PLEKHM1: variants seen among roughly 807,000 people sequenced by gnomAD.
PLEKHM1 encodes pleckstrin homology and RUN domain containing M1, also known as pleckstrin homology domain-containing family M member 1.
A neutral mutation model predicts 94.3 loss-of-function variants in PLEKHM1; 28 were observed. That is an observed-to-expected ratio of 0.30 (90% CI 0.22 to 0.41). The LOEUF (loss-of-function observed/expected upper bound fraction) is 0.41. PLEKHM1 is among the 10% of genes least tolerant of loss of function. The pLI is 1.00. For synonymous variants in PLEKHM1, 424 were observed against 581.2 expected (o/e 0.73, Z 3.89); for missense variants, 907 against 1,358.6 (o/e 0.67, Z 5.22).
At chr17:45,435,763 G>A (rs1388565008), downstream of PLEKHM1, 1 of 360,490 alleles carries the variant, frequency 2.8e-6, no homozygotes, top group Non-Finnish European at 5.4e-6. Flanking sequence ...CTGCCTACAA[G>A]TGTTTGCCAC....
At chr17:45,489,150 G>A (rs1379459971) in intron 1 of PLEKHM1, among the ~76,000 whole-genome samples, 2 of 152,122 alleles carry the variant, frequency 1.3e-5, no homozygotes, top group Non-Finnish European at 2.9e-5. Context: ...ATGGCCAAAA[G>A]TCAATGATCC....
chr17:45,447,629 C>T (rs891320307), intron 8 of PLEKHM1, among the ~76,000 whole-genome samples: 5 of 151,970 alleles, frequency 3.3e-5, no homozygotes, highest in African/African-American at 1.2e-4. Flanking sequence ...CAGGCCTCAG[C>T]ACCAGTGGGT....
rs1331996739 is a variant in PLEKHM1 at position 45,468,356 on chromosome 17, C to T, written c.1161G>A (p.Gln387=). The change falls in exon 5 of 12, where the codon CAG becomes CAA. Residue 387 remains glutamine (Q), a synonymous_variant. Transcript: ENST00000430334. ...RPQAPSPLDL[Q]QPVESTSGQQ... Reference sequence around the variant, plus strand: ...GGCCTGAGGTGCTCTCTACAGGCTGCTGTAAGTCCAGGGGGCTGGGCGCCT... The same window carrying T: ...GGCCTGAGGTGCTCTCTACAGGCTGTTGTAAGTCCAGGGGGCTGGGCGCCT... 1 of 1,613,960 alleles carries T rather than the reference C, an allele frequency of 6.2e-7. No homozygotes were observed. Among genetic ancestry groups the T allele is most frequent in the Non-Finnish European group, 8.5e-7 (1 of 1,180,002 alleles).
At position 45,477,709 on chromosome 17, in the gene PLEKHM1, G is replaced by C; in HGVS notation, c.296+191C>G. 3 of 658,788 alleles carry C rather than the reference G, an allele frequency of 4.6e-6. No individual in the cohort carries two copies. In the East Asian group the frequency reaches 8.4e-5, roughly 18 times the overall value. 40.8% of individuals were successfully genotyped at this position (658,788 alleles called of 1,614,324 possible). A position where few individuals can be genotyped will look rare whatever the true frequency, so the allele number is the denominator to read the frequency against. On this transcript the variant is annotated intron_variant, in intron 3 of 11. Coordinates refer to ENST00000430334, the MANE Select transcript of PLEKHM1 (RefSeq NM_014798.3). ...GTGCTGAGGGTCTCAAGATCTGCTGGCACACTGGCTGGGAAGCTTGGTCTA... is the reference window on the plus strand; with the variant it reads ...GTGCTGAGGGTCTCAAGATCTGCTGCCACACTGGCTGGGAAGCTTGGTCTA...
intron 1 of PLEKHM1, 46 bp downstream of exon 1, chr17:45,490,606 T>C (rs1477305716): frequency 2.3e-6 from 1 of 427,720 alleles, no homozygotes; most frequent in South Asian, 1.6e-5. Flanking sequence ...GCCTCGGCCC[T>C]CCCACCACTC....
chr17:45,439,952 G>A (rs2050390467), intron 10 of PLEKHM1: 1 of 639,468 alleles, frequency 1.6e-6, no homozygotes, highest in African/African-American at 1.8e-5. Flanking sequence ...TGGGGTTGCT[G>A]GAGTGCTTGT....
At chr17:45,442,770 T>C (rs529692415) in intron 9 of PLEKHM1, among the ~76,000 whole-genome samples, 28 of 152,120 alleles carry the variant, frequency 1.8e-4, no homozygotes, top group African/African-American at 6.5e-4. Context: ...AACCCTTCAA[T>C]GGTTCCCCAC....
intron 9 of PLEKHM1, among the ~76,000 whole-genome samples, chr17:45,442,730 G>A (rs547456577): frequency 1.2e-4 from 19 of 152,214 alleles, no homozygotes; most frequent in African/African-American, 2.4e-4. Context: ...TTTCTAAGCC[G>A]CTGACCGGAA....
intron 10 of PLEKHM1, among the ~76,000 whole-genome samples, chr17:45,439,837 G>A (rs1196767853): frequency 6.6e-6 from 1 of 152,234 alleles, no homozygotes; most frequent in Non-Finnish European, 1.5e-5. Flanking sequence ...CCAGCCCGTG[G>A]GCACTGAGGT....
In PLEKHM1 at chr17:45,458,347, G is replaced by A. The variant is rs747512253; in HGVS notation, c.1401C>T (p.Tyr467=). 6.2e-7 allele frequency: 1 copy of A among 1,613,978 alleles called. No homozygotes were observed. Among genetic ancestry groups the A allele is most frequent in the African/African-American group, 1.3e-5 (1 of 75,046 alleles). Residue 467 remains tyrosine, a synonymous_variant, in exon 6 of 12, where the codon TAC becomes TAT. Transcript: ENST00000430334. ...CAGGCCTTGACCCTGGAGTCCCCCT[G>A]TAAGAAGCTATTGGGTGGTCTGAAG... ...ESASDHPIAS[Y]RGTPGSRPGL...
At position 45,440,334 on chromosome 17, in the gene PLEKHM1, G is replaced by A. The variant is rs369901645; in HGVS notation, c.2838-108C>T. On this transcript the variant is annotated intron_variant, in intron 9 of 11. Coordinates refer to ENST00000430334, the MANE Select transcript of PLEKHM1 (RefSeq NM_014798.3). The stretch of plus-strand genomic sequence containing the variant: ...GCTGCTCACCAGGCAGACACCCCCC[G>A]CCTGGGCGGGGCAGGGGCTAGGAGT... The A allele has an allele frequency of 4.0e-5, 45 of 1,118,104 alleles. 1 individual carries two copies. The African/African-American group carries it at 5.8e-4, about 14-fold the overall frequency. 69.3% of individuals were successfully genotyped at this position (1,118,104 alleles called of 1,614,324 possible). A position where few individuals can be genotyped will look rare whatever the true frequency, so the allele number is the denominator to read the frequency against.
At chr17:45,486,337 C>A (rs958035539) in intron 1 of PLEKHM1, among the ~76,000 whole-genome samples, 24 of 151,452 alleles carry the variant, frequency 1.6e-4, no homozygotes, top group Non-Finnish European at 2.8e-4. Context: ...AATCCCAGCA[C>A]TTTGGGAGGC....
intron 1 of PLEKHM1, among the ~76,000 whole-genome samples, chr17:45,486,426 CA>C (rs1337571271): frequency 2.0e-5 from 3 of 149,416 alleles, no homozygotes; most frequent in Non-Finnish European, 4.5e-5. Context: ...ACTAAAAATA[CA>C]AAAAATTAGC....
intron 6 of PLEKHM1, 56 bp from the exon 7 acceptor site, chr17:45,454,328 C>T: frequency 6.7e-7 from 1 of 1,489,944 alleles, no homozygotes; most frequent in Non-Finnish European, 9.2e-7. Flanking sequence ...TCTGTCCTGC[C>T]CAAGGCAGCC....
At chr17:45,480,279 T>C (rs2145342935) in intron 2 of PLEKHM1, among the ~76,000 whole-genome samples, 1 of 152,288 alleles carries the variant, frequency 6.6e-6, no homozygotes, top group South Asian at 2.1e-4. Flanking sequence ...GGTCAGGAGT[T>C]CGAGACCAGC....
rs1338982355 is a variant in PLEKHM1, at chr17:45,446,080, G to A, written c.2644-417C>T. The A allele has an allele frequency of 4.8e-5, 14 of 294,586 alleles. No individual in the cohort carries two copies. The East Asian group carries it at 1.1e-3, about 24-fold the overall frequency. 18.2% of individuals were successfully genotyped at this position (294,586 alleles called of 1,614,324 possible). Reference sequence around the variant, plus strand: ...CCCTGACTCAGGAACCAGGTGACGGGCTGAGTCAGGCTCCAGCCACAGGAA... The same window carrying A: ...CCCTGACTCAGGAACCAGGTGACGGACTGAGTCAGGCTCCAGCCACAGGAA... On this transcript the variant is annotated intron_variant, in intron 8 of 11. Transcript: ENST00000430334.
At chr17:45,441,473 T>A (rs1466837503) in intron 9 of PLEKHM1, among the ~76,000 whole-genome samples, 2 of 152,198 alleles carry the variant, frequency 1.3e-5, no homozygotes, top group Non-Finnish European at 2.9e-5. Context: ...AGCTGCCATT[T>A]GTCACCAAGA....
At position 45,468,707 on chromosome 17, in the gene PLEKHM1, C is replaced by T. The variant is rs1404873368; in HGVS notation, c.924-114G>A. Reference sequence around the variant, plus strand: ...CTGTTTTATGATTTAAAACAACCCACACCCTCTAAATGATCCACTGCACTC... The same window carrying T: ...CTGTTTTATGATTTAAAACAACCCATACCCTCTAAATGATCCACTGCACTC... On this transcript the variant is annotated intron_variant, in intron 4 of 11. Coordinates refer to ENST00000430334, the MANE Select transcript of PLEKHM1 (RefSeq NM_014798.3). 5.6e-6 allele frequency: 6 copies of T among 1,064,068 alleles called. No individual in the cohort carries two copies. The East Asian group carries it at 1.4e-4, about 25-fold the overall frequency. 65.9% of individuals were successfully genotyped at this position (1,064,068 alleles called of 1,614,324 possible). A position where few individuals can be genotyped will look rare whatever the true frequency, so the allele number is the denominator to read the frequency against.
At position 45,458,394 on chromosome 17, in the gene PLEKHM1, G is replaced by A. The variant is rs767381421; in HGVS notation, c.1354C>T (p.Arg452Trp). Residue 452 changes from arginine to tryptophan, a missense_variant, in exon 6 of 12, where the codon CGG (arginine) becomes TGG (tryptophan). Transcript: ENST00000430334. The part of the protein sequence containing the change: ...ISEDDFYRPS[R>W]EQPLESASDH... ...GAAGCACTCTCCAGGGGTTGCTCCC[G>A]GGAAGGCCGGTAGAAGTCATCCTCT... 5.0e-6 allele frequency: 8 copies of A among 1,613,662 alleles called. No individual in the cohort carries two copies. The highest frequency in any genetic ancestry group is 1.6e-4 in the Middle Eastern group (1 of 6,078).
Sources: gnomAD v4.1 joint callset for allele counts (sites outside exome capture counted in the v4.1 genomes callset) on GRCh38, gnomAD v4.1.1 for gene constraint, MANE v1.5 for transcripts, NCBI Gene and HGNC (gene_info 2026-07-23, HGNC 2026-07-21) for gene names.